Variants in SHANK2 observed in about 807,000 individuals in gnomAD.
SHANK2 encodes SH3 and multiple ankyrin repeat domains 2, also known as SH3 and multiple ankyrin repeat domains protein 2.
Under a neutral mutation model 133.7 loss-of-function variants are expected in SHANK2, and 43 were observed. The observed-to-expected ratio is 0.32, with a 90% CI of 0.25 to 0.41. The LOEUF (loss-of-function observed/expected upper bound fraction) is 0.41. Ranked by LOEUF, SHANK2 falls within the 10% of genes least tolerant of loss-of-function variation. The pLI, the probability that SHANK2 is intolerant of heterozygous loss-of-function variation, is 1.00. For synonymous variants in SHANK2, 1,017 were observed against 952.8 expected, an observed-to-expected ratio of 1.07 and a Z score of -1.24; for missense variants, 1,994 against 2,235.8, an observed-to-expected ratio of 0.89 and a Z score of 2.18.
At chr11:70,891,097 T>C (rs2135629809) in intron 11 of SHANK2, among the ~76,000 whole-genome samples, 1 of 152,322 alleles carries the variant, frequency 6.6e-6, no homozygotes, top group East Asian at 1.9e-4. Context: ...GGAGAAAGGA[T>C]GCCTCTCCTC....
chr11:70,846,413 G>A (rs371986630), intron 11 of SHANK2, among the ~76,000 whole-genome samples: 76 of 152,208 alleles, frequency 5.0e-4, no homozygotes, highest in East Asian at 3.7e-3. Context: ...ACAGGCATGT[G>A]CCACCATGCC....
intron 2 of SHANK2, among the ~76,000 whole-genome samples, chr11:71,206,183 T>C (rs1389420870): frequency 6.6e-6 from 1 of 152,202 alleles, no homozygotes; most frequent in Non-Finnish European, 1.5e-5. Flanking sequence ...CAAAGTCTTC[T>C]GTTTCTGAAT....
chr11:70,931,184 A>AAGT (rs2135800690), intron 10 of SHANK2, among the ~76,000 whole-genome samples: 1 of 152,310 alleles, frequency 6.6e-6, no homozygotes, highest in African/African-American at 2.4e-5. Context: ...TAGTGACAGA[A>AAGT]AGTAGACTCG....
At chr11:71,131,359 G>C (rs79676322) in intron 3 of SHANK2, among the ~76,000 whole-genome samples, 2 of 152,348 alleles carry the variant, frequency 1.3e-5, no homozygotes, top group South Asian at 4.1e-4. Context: ...GCCTAGTCGG[G>C]GGGTGCTGAG....
intron 11 of SHANK2, among the ~76,000 whole-genome samples, chr11:70,868,825 A>G (rs1049931287): frequency 1.8e-4 from 28 of 152,274 alleles, no homozygotes; most frequent in Admixed American, 6.5e-5. Context: ...AACCTGCCCA[A>G]TTCTCACCCA....
At chr11:71,085,704 T>A (rs1951382126) in intron 8 of SHANK2, among the ~76,000 whole-genome samples, 1 of 31,426 alleles carries the variant, frequency 3.2e-5, no homozygotes, top group Non-Finnish European at 5.5e-5. Flanking sequence ...ACATATTATA[T>A]GTTATATATA....
intron 17 of SHANK2, among the ~76,000 whole-genome samples, chr11:70,553,644 G>A (rs114271590): frequency 0.012 from 1,818 of 152,274 alleles, 48 homozygotes; most frequent in African/African-American, 0.042. Context: ...CCTGGCACCC[G>A]GGCTCTTTCA....
chr11:71,154,724 A>G (rs7948947), intron 2 of SHANK2, among the ~76,000 whole-genome samples: 35,173 of 69,100 alleles, frequency 0.51, 9,237 homozygotes, highest in African/African-American at 0.66. Context: ...ACCTACCCCC[A>G]CCCACGCTCC....
chr11:70,846,502 C>T (rs1337607919), intron 11 of SHANK2, among the ~76,000 whole-genome samples: 1 of 152,096 alleles, frequency 6.6e-6, no homozygotes, highest in Non-Finnish European at 1.5e-5. Context: ...GCGATCCTCC[C>T]ACCTTGGCCT....
intron 3 of SHANK2, among the ~76,000 whole-genome samples, chr11:71,131,450 A>G (rs1455074199): frequency 6.6e-6 from 1 of 152,226 alleles, no homozygotes; most frequent in African/African-American, 2.4e-5. Flanking sequence ...TTTTCCAATC[A>G]GAACATTTTT....
chr11:70,558,061 T>C (rs1357290854), intron 17 of SHANK2, among the ~76,000 whole-genome samples: 2 of 152,134 alleles, frequency 1.3e-5, no homozygotes, highest in African/African-American at 4.8e-5. Flanking sequence ...GGCGAGACCG[T>C]GAGGGGGCCC....
intron 17 of SHANK2, among the ~76,000 whole-genome samples, chr11:70,591,320 C>A (rs2060317941): frequency 6.6e-6 from 1 of 150,838 alleles, no homozygotes; most frequent in Non-Finnish European, 1.5e-5. Flanking sequence ...CCACTGCACT[C>A]CAGTATGGGC....
chr11:70,840,749 C>A (rs1948890735), intron 11 of SHANK2, among the ~76,000 whole-genome samples: 1 of 152,120 alleles, frequency 6.6e-6, no homozygotes, highest in Non-Finnish European at 1.5e-5. Flanking sequence ...GAGGCTGGAG[C>A]CTGCAGACTC....
intron 8 of SHANK2, among the ~76,000 whole-genome samples, chr11:71,083,138 G>T (rs1160438964): frequency 6.6e-6 from 1 of 152,088 alleles, no homozygotes; most frequent in Non-Finnish European, 1.5e-5. Context: ...GACAAGTTTT[G>T]CCATGTTGGC....
At chr11:70,689,688 C>A (rs1241072822) in intron 15 of SHANK2, among the ~76,000 whole-genome samples, 1 of 152,038 alleles carries the variant, frequency 6.6e-6, no homozygotes, top group African/African-American at 2.4e-5. Context: ...GGAACAGAAC[C>A]CCCAGACACC....
At chr11:70,599,971 GAA>G (rs71049926) in intron 17 of SHANK2, among the ~76,000 whole-genome samples, 1 of 105,010 alleles carries the variant, frequency 9.5e-6, no homozygotes, top group Non-Finnish European at 2.0e-5. Context: ...AAGAAAGAAA[GAA>G]AATGTATCAT....
In SHANK2 at chr11:70,716,819, T is replaced by G. The variant is rs183395894; in HGVS notation, c.1778-18056A>C. 3.1e-3 allele frequency among the ~76,000 whole-genome samples: 472 copies of G among 152,010 alleles called. 4 individuals carry two copies. The highest frequency in any genetic ancestry group is 0.011 in the African/African-American group (459 of 41,396). On this transcript the variant is annotated intron_variant, in intron 14 of 25. Transcript: ENST00000601538. The stretch of plus-strand genomic sequence containing the variant: ...CAGCTCATGGCTCACATAGATCTCT[T>G]CAACCGCAAAGCAACATCTGGGAGG...
At chr11:71,209,019 GC>G (rs1954192054) in intron 2 of SHANK2, among the ~76,000 whole-genome samples, 1 of 152,182 alleles carries the variant, frequency 6.6e-6, no homozygotes, top group South Asian at 2.1e-4. Context: ...AGGACACTCG[GC>G]CCCAATGTCA....
intron 17 of SHANK2, among the ~76,000 whole-genome samples, chr11:70,561,027 G>A (rs1203227390): frequency 6.6e-6 from 1 of 152,212 alleles, no homozygotes; most frequent in Admixed American, 6.5e-5. Context: ...ACACACACAC[G>A]AAGAACGGGT....
Sources: allele counts gnomAD v4.1 joint callset (sites outside exome capture counted in the v4.1 genomes callset), GRCh38; gene constraint gnomAD v4.1.1; transcripts MANE v1.5; gene names NCBI Gene and HGNC (gene_info 2026-07-23, HGNC 2026-07-21).